Variants in SLC12A2 observed in about 807,000 individuals in gnomAD.
SLC12A2 encodes solute carrier family 12 member 2, also known as Na-K-2Cl cotransporter 1.
In SLC12A2, 67 loss-of-function variants were observed where a neutral mutation model predicts 136.3. That is an observed-to-expected ratio of 0.49 (90% CI 0.40 to 0.60). The LOEUF is 0.60. Among genes scored for constraint, SLC12A2 ranks in the 20% least tolerant of loss-of-function variants. SLC12A2 has a pLI of 0.00. For synonymous variants in SLC12A2, 619 were observed against 562.9 expected (o/e 1.10, Z -1.41); for missense variants, 1,322 against 1,534.7 (o/e 0.86, Z 2.32).
intron 11 of SLC12A2, among the ~76,000 whole-genome samples, chr5:128,148,526 A>C (rs189324349): frequency 2.0e-5 from 3 of 151,766 alleles, no homozygotes; most frequent in African/African-American, 7.2e-5. Flanking sequence ...TTTAATTTCA[A>C]CATGGGGATA....
chr5:128,148,533 G>C (rs1052560327), intron 11 of SLC12A2, among the ~76,000 whole-genome samples: 33 of 151,720 alleles, frequency 2.2e-4, no homozygotes, highest in African/African-American at 7.7e-4. Context: ...TCAACATGGG[G>C]ATAGGGTAAG....
At chr5:128,117,752 G>A (rs1287974120) in intron 4 of SLC12A2, among the ~76,000 whole-genome samples, 1 of 152,132 alleles carries the variant, frequency 6.6e-6, no homozygotes, top group Non-Finnish European at 1.5e-5. Context: ...CTTCTGCACA[G>A]CAAAAGAAAT....
In SLC12A2 at chr5:128,096,661, C is replaced by G. The variant is rs6895346; in HGVS notation, c.756+11951C>G. 5.1e-3 allele frequency among the ~76,000 whole-genome samples: 775 copies of G among 152,102 alleles called. 5 individuals carry two copies. Among genetic ancestry groups the G allele is most frequent in the Non-Finnish European group, 6.4e-3 (436 of 67,934 alleles). On this transcript the variant is annotated intron_variant, in intron 1 of 26. Transcript: ENST00000262461. ...TCTGGCAAAGCTGGGCAGGACATAGCCTCAGTACTAACTTACCTATAAATT... is the reference window on the plus strand; with the variant it reads ...TCTGGCAAAGCTGGGCAGGACATAGGCTCAGTACTAACTTACCTATAAATT...
intron 20 of SLC12A2, 82 bp downstream of exon 20, chr5:128,174,748 TATAAAA>T: frequency 8.9e-7 from 1 of 1,119,522 alleles, no homozygotes; most frequent in Non-Finnish European, 1.2e-6. Flanking sequence ...TAATATGTCT[TATAAAA>T]ATAACCTGTT....
intron 13 of SLC12A2, among the ~76,000 whole-genome samples, chr5:128,150,453 G>A (rs967885212): frequency 2.0e-5 from 3 of 151,602 alleles, no homozygotes; most frequent in Non-Finnish European, 3.0e-5. Context: ...AACACGATGA[G>A]TTCTGTAAAA....
chr5:128,175,638 T>C (rs1763516139), intron 20 of SLC12A2, among the ~76,000 whole-genome samples: 1 of 152,016 alleles, frequency 6.6e-6, no homozygotes, highest in Non-Finnish European at 1.5e-5. Context: ...CCCAACATTA[T>C]AATGGATGTT....
rs189761330 is a variant in SLC12A2, at chr5:128,141,823, G to A, written c.1622-7G>A. ...CTATATTATTCTTGTTGTCACTTGT[G>A]CTTTAGGTTCTTGTGTTGTTCGAGA... On this transcript the variant is annotated splice_polypyrimidine_tract_variant and splice_region_variant and intron_variant, in intron 9 of 26. Transcript: ENST00000262461. 4 of 1,609,822 alleles carry A rather than the reference G, an allele frequency of 2.5e-6. No homozygotes were observed. In the East Asian group the frequency reaches 9.0e-5, roughly 36 times the overall value.
chr5:128,161,370 A>T (rs1355436250), intron 16 of SLC12A2, among the ~76,000 whole-genome samples: 1 of 152,160 alleles, frequency 6.6e-6, no homozygotes, highest in African/African-American at 2.4e-5. Context: ...TTCATTTTTG[A>T]TAGCTTCTAA....
chr5:128,186,122 G>T (rs866564667), intron 26 of SLC12A2, among the ~76,000 whole-genome samples: 1 of 152,068 alleles, frequency 6.6e-6, no homozygotes, highest in East Asian at 1.9e-4. Flanking sequence ...GCTTACCATC[G>T]TGTTACAGTT....
At chr5:128,096,552 C>T (rs1035431884) in intron 1 of SLC12A2, among the ~76,000 whole-genome samples, 1 of 151,980 alleles carries the variant, frequency 6.6e-6, no homozygotes, top group Non-Finnish European at 1.5e-5. Context: ...ATTTGAATCT[C>T]ATTATTTTAG....
At position 128,186,560 on chromosome 5, in the gene SLC12A2, C is replaced by T. The variant is rs774219347; in HGVS notation, c.3568C>T (p.Leu1190=). ...SALYMAWLEA[L]SKDLPPILLV... The stretch of plus-strand genomic sequence containing the variant: ...TCTCTACATGGCATGGTTAGAAGCT[C>T]TATCTAAGGACCTACCACCAATCCT... The change falls in exon 27 of 27, where the codon CTA becomes TTA. Residue 1190 remains leucine, a synonymous_variant. Transcript: ENST00000262461. The T allele has an allele frequency of 1.5e-5, 24 of 1,613,052 alleles. No homozygotes were observed. Among genetic ancestry groups the T allele is most frequent in the South Asian group, 2.2e-5 (2 of 91,040 alleles).
intron 17 of SLC12A2, among the ~76,000 whole-genome samples, chr5:128,165,348 GT>G (rs1170409874): frequency 1.3e-5 from 2 of 152,008 alleles, no homozygotes; most frequent in Admixed American, 6.6e-5. Flanking sequence ...AACTAAATAC[GT>G]TTTTTTGGTC....
chr5:128,100,174 T>A (rs954547958), intron 1 of SLC12A2, among the ~76,000 whole-genome samples: 4 of 152,162 alleles, frequency 2.6e-5, no homozygotes, highest in Admixed American at 6.5e-5. Context: ...TTTAGCTCCA[T>A]TATAATCTTA....
chr5:128,135,557 C>T, intron 6 of SLC12A2, 143 bp from the exon 7 acceptor site: 1 of 573,996 alleles, frequency 1.7e-6, no homozygotes, highest in South Asian at 2.4e-5. Context: ...AGCTGCTTGG[C>T]ATATGGCATT....
intron 4 of SLC12A2, among the ~76,000 whole-genome samples, chr5:128,130,599 T>A (rs1185750340): frequency 6.6e-6 from 1 of 151,128 alleles, no homozygotes; most frequent in Non-Finnish European, 1.5e-5. Flanking sequence ...CGAGAATTGC[T>A]TGAACCCAGG....
intron 10 of SLC12A2, 116 bp downstream of exon 10, chr5:128,142,097 TTTTTTAA>T (rs1322180742): frequency 2.2e-6 from 2 of 905,494 alleles, no homozygotes; most frequent in Non-Finnish European, 1.6e-6. Context: ...AGTTGTTATT[TTTTTTAA>T]TTTTTAATTT....
intron 1 of SLC12A2, among the ~76,000 whole-genome samples, chr5:128,103,607 T>C (rs1366729827): frequency 6.6e-6 from 1 of 152,110 alleles, no homozygotes; most frequent in Non-Finnish European, 1.5e-5. Flanking sequence ...GAGTATGATA[T>C]GTGTCATGAA....
intron 7 of SLC12A2, among the ~76,000 whole-genome samples, 184 bp downstream of exon 7, chr5:128,135,992 A>G (rs1762179995): frequency 6.6e-6 from 1 of 152,100 alleles, no homozygotes; most frequent in Non-Finnish European, 1.5e-5. Context: ...ACTTCTATTT[A>G]CATCTTTTCT....
At chr5:128,132,613 A>G (rs1762061219) in intron 5 of SLC12A2, among the ~76,000 whole-genome samples, 1 of 152,168 alleles carries the variant, frequency 6.6e-6, no homozygotes, top group Non-Finnish European at 1.5e-5. Flanking sequence ...AGGAACCTCA[A>G]GTGACACCTA....
Sources: allele counts gnomAD v4.1 joint callset (sites outside exome capture counted in the v4.1 genomes callset), GRCh38; gene constraint gnomAD v4.1.1; transcripts MANE v1.5; gene names NCBI Gene and HGNC (gene_info 2026-07-23, HGNC 2026-07-21).